Variants in TBC1D22A observed in about 807,000 individuals in gnomAD.
The protein encoded by TBC1D22A is putative GTPase activator.
TBC1D22A carries 38 observed loss-of-function variants against 60.2 expected under a neutral mutation model. The observed-to-expected ratio is 0.63, with a 90% CI of 0.49 to 0.83. The LOEUF (loss-of-function observed/expected upper bound fraction) is 0.83. TBC1D22A is among the 40% of genes least tolerant of loss of function. The pLI is 0.00. For missense variants in TBC1D22A, 628 were observed against 701.0 expected (o/e 0.90, Z 1.18); for synonymous variants, 302 against 281.7 (o/e 1.07, Z -0.72).
chr22:46,957,619 G>A (rs136085), intron 8 of TBC1D22A, among the ~76,000 whole-genome samples: 29,059 of 152,202 alleles, frequency 0.19, 2,986 homozygotes, highest in East Asian at 0.27. Context: ...GAACCAAACC[G>A]TATCAAGTGC....
chr22:46,864,424 A>G (rs1473891257), intron 4 of TBC1D22A, among the ~76,000 whole-genome samples: 1 of 152,228 alleles, frequency 6.6e-6, no homozygotes, highest in African/African-American at 2.4e-5. Context: ...CAGGGAAACC[A>G]GTTTCCCTCC....
intron 8 of TBC1D22A, among the ~76,000 whole-genome samples, chr22:46,948,123 A>G (rs1227812610): frequency 6.6e-6 from 1 of 152,226 alleles, no homozygotes; most frequent in Admixed American, 6.5e-5. Flanking sequence ...AACAGGAGAG[A>G]TTTGCAAAAC....
chr22:47,069,561 C>G (rs2063887289), intron 11 of TBC1D22A, among the ~76,000 whole-genome samples: 1 of 152,234 alleles, frequency 6.6e-6, no homozygotes, highest in Non-Finnish European at 1.5e-5. Flanking sequence ...GGAGCAAAAC[C>G]CTGTTGTTTG....
At chr22:46,980,665 GA>G (rs2074480038) in intron 9 of TBC1D22A, among the ~76,000 whole-genome samples, 1 of 174 alleles carries the variant, frequency 5.7e-3, no homozygotes, top group Non-Finnish European at 0.011. Flanking sequence ...TTAAGACATG[GA>G]AAGATAGAAT....
At chr22:46,900,324 A>G (rs1470790651) in intron 7 of TBC1D22A, among the ~76,000 whole-genome samples, 1 of 151,822 alleles carries the variant, frequency 6.6e-6, no homozygotes, top group East Asian at 1.9e-4. Context: ...GCTAATTTTT[A>G]TATTTTTAAT....
chr22:47,132,649 G>A (rs1306538164), intron 12 of TBC1D22A, among the ~76,000 whole-genome samples: 1 of 152,190 alleles, frequency 6.6e-6, no homozygotes, highest in Non-Finnish European at 1.5e-5. Flanking sequence ...TGGCCGTGTT[G>A]GGAGTCCTGT....
chr22:46,967,900 G>T (rs1004163895), intron 8 of TBC1D22A, among the ~76,000 whole-genome samples: 19 of 151,300 alleles, frequency 1.3e-4, no homozygotes, highest in Admixed American at 1.1e-3. Context: ...TACGATTCCA[G>T]TGCACCCCCT....
chr22:47,002,026 T>C (rs1040084506), intron 10 of TBC1D22A, among the ~76,000 whole-genome samples: 6 of 152,224 alleles, frequency 3.9e-5, no homozygotes, highest in African/African-American at 1.4e-4. Context: ...GTGTTCTCAA[T>C]ATTTCTATTA....
intron 4 of TBC1D22A, among the ~76,000 whole-genome samples, chr22:46,819,511 T>C (rs2085739394): frequency 6.6e-6 from 1 of 152,246 alleles, no homozygotes; most frequent in African/African-American, 2.4e-5. Flanking sequence ...TTTTTTGTCA[T>C]TGGTTCTGTT....
At chr22:46,878,783 C>A in intron 5 of TBC1D22A, 60 bp downstream of exon 5, 1 of 1,551,684 alleles carries the variant, frequency 6.4e-7, no homozygotes, top group African/African-American at 1.3e-5. Context: ...CTGCAGGCGT[C>A]TGGCCTGAGT....
At chr22:47,116,088 C>T (rs1002386709) in intron 12 of TBC1D22A, 1 of 152,312 alleles carries the variant, frequency 6.6e-6, no homozygotes, top group Admixed American at 6.5e-5. Flanking sequence ...CCCCCATCCT[C>T]GCCAGCTTCC....
intron 1 of TBC1D22A, among the ~76,000 whole-genome samples, chr22:46,764,605 A>G (rs1304070409): frequency 6.6e-6 from 1 of 152,158 alleles, no homozygotes; most frequent in East Asian, 1.9e-4. Context: ...TGACATTTGG[A>G]AATAGGGTTT....
At chr22:47,019,916 C>CCCCTCTCCCTTAACCCTCCATCATG (rs777298900) in intron 10 of TBC1D22A, among the ~76,000 whole-genome samples, 14,659 of 122,452 alleles carry the variant, frequency 0.12, 1,625 homozygotes, top group East Asian at 0.16. Context: ...TCTCCATCCT[C>CCCCTCTCCCTTAACCCTCCATCATG]CCCTCTCCCT....
At chr22:46,825,858 T>C (rs2086031875) in intron 4 of TBC1D22A, among the ~76,000 whole-genome samples, 1 of 151,624 alleles carries the variant, frequency 6.6e-6, no homozygotes, top group Non-Finnish European at 1.5e-5. Flanking sequence ...GAAGTTCACC[T>C]GGGTGATGAG....
intron 1 of TBC1D22A, chr22:46,773,790 C>A: frequency 2.7e-6 from 1 of 374,256 alleles, no homozygotes; most frequent in Non-Finnish European, 3.7e-6. Flanking sequence ...ACTGTACATG[C>A]AACCACACGT....
intron 9 of TBC1D22A, among the ~76,000 whole-genome samples, chr22:46,987,225 G>C (rs1455629225): frequency 6.6e-6 from 1 of 152,184 alleles, no homozygotes; most frequent in East Asian, 1.9e-4. Context: ...TTCAAAGAGG[G>C]AGAAATTAGT....
intron 11 of TBC1D22A, among the ~76,000 whole-genome samples, chr22:47,098,411 C>T (rs1181242587): frequency 6.6e-6 from 1 of 152,172 alleles, no homozygotes; most frequent in East Asian, 1.9e-4. Flanking sequence ...TGTTCTGACA[C>T]CCTGATGCTG....
chr22:46,985,255 T>TGG (rs1182258578), intron 9 of TBC1D22A, among the ~76,000 whole-genome samples: 1 of 152,090 alleles, frequency 6.6e-6, no homozygotes, highest in Non-Finnish European at 1.5e-5. Flanking sequence ...GAGCGCTTGG[T>TGG]GGAGGCCTGG....
intron 12 of TBC1D22A, among the ~76,000 whole-genome samples, chr22:47,129,672 G>A (rs1371738471): frequency 6.6e-6 from 1 of 152,118 alleles, no homozygotes; most frequent in African/African-American, 2.4e-5. Flanking sequence ...GGCAGGCCTG[G>A]GGCTGTTCCC....
Sources: allele counts gnomAD v4.1 joint callset (sites outside exome capture counted in the v4.1 genomes callset), GRCh38; gene constraint gnomAD v4.1.1; transcripts MANE v1.5; gene names NCBI Gene and HGNC (gene_info 2026-07-23, HGNC 2026-07-21).